Variants in CCDC122 observed in about 807,000 individuals in gnomAD.
CCDC122 encodes the protein coiled-coil domain-containing protein 122.
Under a neutral mutation model 37.0 loss-of-function variants are expected in CCDC122, and 38 were observed. The observed-to-expected ratio is 1.03, with a 90% CI of 0.79 to 1.35. The LOEUF is 1.35. Among genes scored for constraint, CCDC122 ranks in the 40% most tolerant of loss-of-function variants. CCDC122 has a pLI of 0.00. For synonymous variants in CCDC122, 83 were observed against 95.6 expected (o/e 0.87, Z 0.77); for missense variants, 305 against 310.0 (o/e 0.98, Z 0.12).
intron 6 of CCDC122, among the ~76,000 whole-genome samples, chr13:43,847,070 A>G (rs753190891): frequency 2.6e-5 from 4 of 152,224 alleles, no homozygotes; most frequent in Non-Finnish European, 5.9e-5. Flanking sequence ...ACTGGAAAAC[A>G]CTTAAATGTT....
Position 43,850,872 on chromosome 13 carries a change from T to C in CCDC122, c.672+7909A>G, listed in dbSNP as rs144841429. On this transcript the variant is annotated intron_variant, in intron 6 of 6. Coordinates refer to ENST00000444614, the MANE Select transcript of CCDC122 (RefSeq NM_144974.5). The stretch of plus-strand genomic sequence containing the variant: ...ATGCAAAGAAATCCATGCAAAAGCA[T>C]GTCATAGTAAAACTTCTGAAAACAG... 2.0e-5 allele frequency among the ~76,000 whole-genome samples: 3 copies of C among 152,312 alleles called. No homozygotes were observed. In the East Asian group the frequency reaches 5.8e-4, roughly 29 times the overall value.
chr13:43,871,916 G>A (rs1954464471), intron 2 of CCDC122, among the ~76,000 whole-genome samples: 2 of 151,956 alleles, frequency 1.3e-5, no homozygotes, highest in African/African-American at 4.8e-5. Flanking sequence ...GTCTTGGAAG[G>A]CTCATTCCTA....
At chr13:43,867,950 C>T (rs1417080128) in intron 4 of CCDC122, among the ~76,000 whole-genome samples, 1 of 152,052 alleles carries the variant, frequency 6.6e-6, no homozygotes, top group Admixed American at 6.6e-5. Flanking sequence ...ACCATGTCCA[C>T]CTGGTCCCCA....
At chr13:43,823,900 G>A (rs899352089), downstream of CCDC122, 1 of 152,298 alleles carries the variant, frequency 6.6e-6, no homozygotes, top group Non-Finnish European at 1.5e-5. Flanking sequence ...TACTGTGATT[G>A]CTCACCTGAT....
chr13:43,858,255 A>G, intron 6 of CCDC122: 1 of 152,372 alleles, frequency 6.6e-6, no homozygotes, highest in South Asian at 2.1e-4. Flanking sequence ...TCATCCAAAC[A>G]ATAATGACAA....
chr13:43,863,981 C>T (rs765912710), intron 4 of CCDC122, among the ~76,000 whole-genome samples: 2 of 152,174 alleles, frequency 1.3e-5, no homozygotes, highest in Non-Finnish European at 2.9e-5. Context: ...TAACTCTTAA[C>T]ATTCAGGCCT....
At chr13:43,830,491 G>A (rs1953079541) in intron 3 of CCDC122, among the ~76,000 whole-genome samples, 2 of 152,104 alleles carry the variant, frequency 1.3e-5, no homozygotes, top group African/African-American at 2.4e-5. Context: ...AAAAGAAGCC[G>A]AGCAAGGCTG....
chr13:43,834,469 T>G (rs1953120914), downstream of CCDC122, among the ~76,000 whole-genome samples: 1 of 152,138 alleles, frequency 6.6e-6, no homozygotes, highest in Non-Finnish European at 1.5e-5. Flanking sequence ...GGGATCTAAT[T>G]AAACTAAAGA....
chr13:43,830,282 T>C (rs1198100227), intron 3 of CCDC122, among the ~76,000 whole-genome samples: 1 of 152,154 alleles, frequency 6.6e-6, no homozygotes, highest in Non-Finnish European at 1.5e-5. Context: ...GAACCGATCT[T>C]GGGTAAGGGA....
At chr13:43,876,256 T>C (rs1288009851) in intron 1 of CCDC122, among the ~76,000 whole-genome samples, 1 of 152,212 alleles carries the variant, frequency 6.6e-6, no homozygotes, top group Admixed American at 6.5e-5. Context: ...GCAAGGAAAT[T>C]TGCATCTGCT....
intron 1 of CCDC122, among the ~76,000 whole-genome samples, chr13:43,878,848 CG>C (rs1954752927): frequency 6.6e-6 from 1 of 152,108 alleles, no homozygotes; most frequent in African/African-American, 2.4e-5. Context: ...CAAGTGAAGG[CG>C]CTCGGAAGAG....
intron 3 of CCDC122, among the ~76,000 whole-genome samples, chr13:43,828,732 G>C (rs1953062788): frequency 6.6e-6 from 1 of 151,994 alleles, no homozygotes; most frequent in African/African-American, 2.4e-5. Flanking sequence ...TTTCCTGTTT[G>C]GGGCTCTCAC....
intron 6 of CCDC122, among the ~76,000 whole-genome samples, chr13:43,843,660 T>C (rs1229974994): frequency 6.6e-6 from 1 of 151,936 alleles, no homozygotes; most frequent in Non-Finnish European, 1.5e-5. Flanking sequence ...AAATATATGA[T>C]TAGAATTCAC....
chr13:43,826,004 T>C (rs1440470166), intron 3 of CCDC122, among the ~76,000 whole-genome samples: 1 of 152,200 alleles, frequency 6.6e-6, no homozygotes, highest in African/African-American at 2.4e-5. Flanking sequence ...GGTCTGGACA[T>C]GGGCTAAATA....
chr13:43,861,558 T>A (rs1479152570), intron 4 of CCDC122, among the ~76,000 whole-genome samples: 1 of 152,240 alleles, frequency 6.6e-6, no homozygotes, highest in Non-Finnish European at 1.5e-5. Flanking sequence ...CCATCCTCCA[T>A]AGTCCTCTTC....
At chr13:43,876,458 A>T (rs9533671) in intron 1 of CCDC122, among the ~76,000 whole-genome samples, 19,586 of 152,252 alleles carry the variant, frequency 0.13, 1,564 homozygotes, top group African/African-American at 0.22. Flanking sequence ...AGGCAGAAAG[A>T]CACACAGTCA....
chr13:43,849,656 G>A (rs554265957), intron 6 of CCDC122, among the ~76,000 whole-genome samples: 1 of 152,326 alleles, frequency 6.6e-6, no homozygotes, highest in African/African-American at 2.4e-5. Context: ...TAGCAGCTTA[G>A]TGAGACAGAA....
chr13:43,859,611 T>G (rs1050267760), intron 5 of CCDC122, 61 bp downstream of exon 5: 1 of 1,220,892 alleles, frequency 8.2e-7, no homozygotes. Flanking sequence ...TATCATTTAA[T>G]GTATGTACTT....
chr13:43,844,470 T>C (rs1953451552), intron 6 of CCDC122, among the ~76,000 whole-genome samples: 1 of 152,016 alleles, frequency 6.6e-6, no homozygotes, highest in Non-Finnish European at 1.5e-5. Flanking sequence ...TAATCAGTAG[T>C]TGTTATGTGG....
Sources: allele counts gnomAD v4.1 joint callset (sites outside exome capture counted in the v4.1 genomes callset), GRCh38; gene constraint gnomAD v4.1.1; transcripts MANE v1.5; gene names NCBI Gene and HGNC (gene_info 2026-07-23, HGNC 2026-07-21).